OTOP3: variants seen among roughly 807,000 people sequenced by gnomAD.
The protein encoded by OTOP3 is otopetrin 3.
Under a neutral mutation model 50.8 loss-of-function variants are expected in OTOP3, and 41 were observed. That is an observed-to-expected ratio of 0.81 (90% CI 0.63 to 1.05). OTOP3 has a LOEUF of 1.05. Ranked by LOEUF, OTOP3 falls within the 50% of genes least tolerant of loss-of-function variation. The pLI, the probability that OTOP3 is intolerant of heterozygous loss-of-function variation, is 0.00. For synonymous variants in OTOP3, 320 were observed against 324.4 expected (o/e 0.99, Z 0.14); for missense variants, 788 against 760.8 (o/e 1.04, Z -0.42).
chr17:74,943,817 A>C, intron 5 of OTOP3, 93 bp downstream of exon 5: 1 of 1,095,742 alleles, frequency 9.1e-7, no homozygotes. Context: ...TCTCTAAAAC[A>C]GGTGAGGCTC....
At chr17:74,944,568 C>T (rs1485022251) in intron 5 of OTOP3, among the ~76,000 whole-genome samples, 1 of 152,130 alleles carries the variant, frequency 6.6e-6, no homozygotes. Context: ...ACCAGCCTAG[C>T]GAACATGGCG....
Position 74,946,836 on chromosome 17 carries a change from T to C in OTOP3, c.927T>C (p.Pro309=). The C allele has an allele frequency of 1.2e-6, 2 of 1,611,048 alleles. No homozygotes were observed. The change falls in exon 6 of 7, where the codon CCT becomes CCC. Residue 309 remains proline, a synonymous_variant. Coordinates refer to ENST00000328801, the MANE Select transcript of OTOP3 (RefSeq NM_001272005.2). ...TGGCACCCCACATGGGTGCCCACCC[T>C]GCCACCGCACCCTTCCACCTGCACG... The part of the protein sequence containing the change: ...RHVAPHMGAH[P]ATAPFHLHGA...
At chr17:74,938,957 G>A (rs560159097) in intron 1 of OTOP3, among the ~76,000 whole-genome samples, 11 of 151,590 alleles carry the variant, frequency 7.3e-5, no homozygotes, top group South Asian at 4.2e-4. Context: ...CACTCGAGGC[G>A]AGGAGTTCAA....
chr17:74,938,463 T>A (rs1306873344), intron 1 of OTOP3, among the ~76,000 whole-genome samples: 1 of 151,726 alleles, frequency 6.6e-6, no homozygotes, highest in Non-Finnish European at 1.5e-5. Context: ...CTCTGCCGAG[T>A]CCTGAAGGAC....
rs1214956917 is a variant in OTOP3, at chr17:74,946,836, TG to T, written c.928del (p.Ala310ProfsTer59). ...HVAPHMGAHP[A>X]TAPFHLHGAI... ...TGGCACCCCACATGGGTGCCCACCCTGCCACCGCACCCTTCCACCTGCACGG... is the reference window on the plus strand; with the variant it reads ...TGGCACCCCACATGGGTGCCCACCCTCCACCGCACCCTTCCACCTGCACGG... On this transcript the variant is annotated frameshift_variant, in exon 6 of 7. Coordinates refer to ENST00000328801, the MANE Select transcript of OTOP3 (RefSeq NM_001272005.2). LOFTEE classifies it high-confidence loss of function. The T allele has an allele frequency of 2.5e-6, 4 of 1,611,048 alleles. No homozygotes were observed. The highest frequency in any genetic ancestry group is 3.4e-6 in the Non-Finnish European group (4 of 1,180,020).
At chr17:74,944,302 C>T (rs2039205841) in intron 5 of OTOP3, among the ~76,000 whole-genome samples, 1 of 152,210 alleles carries the variant, frequency 6.6e-6, no homozygotes. Context: ...TCACGCCCTG[C>T]AGCCCAGCCC....
Position 74,947,284 on chromosome 17 carries a change from C to G in OTOP3, c.1375C>G (p.Leu459Val), listed in dbSNP as rs35131040. Residue 459 changes from leucine to valine, a missense_variant, in exon 6 of 7, where the codon CTC becomes GTC. Leu to Val is a conservative substitution (Grantham distance 32, BLOSUM62 1). Transcript: ENST00000328801. ...CATCGAGGGCCTGCACCGGCGCCCA[C>G]TCTGGGAGACAGTTCCCGAGGGCCT... ...FIIEGLHRRP[L>V]WETVPEGLAG... 2,688 of 1,613,550 alleles carry G rather than the reference C, an allele frequency of 1.7e-3. 32 individuals are homozygous for G. The African/African-American group carries it at 0.031, about 19-fold the overall frequency.
intron 3 of OTOP3, among the ~76,000 whole-genome samples, chr17:74,943,026 G>A (rs527442496): frequency 1.2e-4 from 18 of 152,248 alleles, no homozygotes; most frequent in Middle Eastern, 3.4e-3. Flanking sequence ...CTTCGTTCCC[G>A]CAGTCTTATT....
chr17:74,947,448 A>G lies in OTOP3; in HGVS notation c.1539A>G (p.Ser513=). 6.2e-7 allele frequency: 1 copy of G among 1,607,274 alleles called. No homozygotes were observed. The highest frequency in any genetic ancestry group is 8.5e-7 in the Non-Finnish European group (1 of 1,176,472). ...AGCGGAGGGCACTCAAGGAGATCTC[A>G]CTCTTCCTCATCCTCTGCAATATCA... ...NWKRRALKEI[S]LFLILCNITL... The change falls in exon 6 of 7, where the codon TCA becomes TCG. Residue 513 remains serine, a synonymous_variant. Transcript: ENST00000328801.
chr17:74,937,212 A>G (rs915532686), intron 1 of OTOP3, among the ~76,000 whole-genome samples: 1 of 151,850 alleles, frequency 6.6e-6, no homozygotes, highest in African/African-American at 2.4e-5. Context: ...GGATCCGCTC[A>G]CCTCAGCCTC....
chr17:74,943,450 G>A (rs2039196452), intron 4 of OTOP3, 106 bp downstream of exon 4: 6 of 1,410,776 alleles, frequency 4.3e-6, no homozygotes, highest in South Asian at 2.3e-5. Flanking sequence ...TGTGTCCTAG[G>A]TGGCCCCAGG....
intron 1 of OTOP3, among the ~76,000 whole-genome samples, chr17:74,939,869 A>T (rs2039153916): frequency 6.6e-6 from 1 of 152,016 alleles, no homozygotes; most frequent in Admixed American, 6.6e-5. Flanking sequence ...AACCCCAGAA[A>T]CTTTTCCCTA....
rs756723396 is a variant in OTOP3 at position 74,941,809 on chromosome 17, GGTGA to G, written c.436+4_436+7del. The G allele has an allele frequency of 3.1e-6, 5 of 1,607,374 alleles. No homozygotes were observed. In the South Asian group the frequency reaches 3.3e-5, roughly 11 times the overall value. On this transcript the variant is annotated splice_donor_variant and splice_donor_region_variant and intron_variant, in intron 2 of 6. Transcript: ENST00000328801. LOFTEE classifies it high-confidence loss of function. ...CCACGCGGGGCCCCTCTGGGTGCGG[GGTGA>G]GTGTCAGGTTGCTGGGGGGCTGGGC...
At chr17:74,938,516 G>C (rs866401132) in intron 1 of OTOP3, among the ~76,000 whole-genome samples, 5 of 152,140 alleles carry the variant, frequency 3.3e-5, no homozygotes, top group African/African-American at 1.2e-4. Flanking sequence ...GGCATTAAAG[G>C]CAAAGAATAG....
chr17:74,946,818 C>T lies in OTOP3; in HGVS notation c.909C>T (p.Pro303=). The change falls in exon 6 of 7, where the codon CCC becomes CCT. Residue 303 remains proline, a synonymous_variant. Transcript: ENST00000328801. ...MWKNVGRHVA[P]HMGAHPATAP... is the part of the protein sequence containing the mutation. ...AGAACGTGGGCCGCCACGTGGCACC[C>T]CACATGGGTGCCCACCCTGCCACCG... 1 of 1,611,472 alleles carries T rather than the reference C, an allele frequency of 6.2e-7. No homozygotes were observed. Among genetic ancestry groups the T allele is most frequent in the Non-Finnish European group, 8.5e-7 (1 of 1,180,018 alleles).
At chr17:74,943,464 G>A in intron 4 of OTOP3, 120 bp downstream of exon 4, 1 of 1,361,892 alleles carries the variant, frequency 7.3e-7, no homozygotes, top group Non-Finnish European at 1.0e-6. Flanking sequence ...CCCCAGGGCT[G>A]CCTCTTGTGT....
rs1462134008 is a variant in OTOP3 at position 74,942,028 on chromosome 17, C to T, written c.564C>T (p.Ile188=). 6 of 1,609,332 alleles carry T rather than the reference C, an allele frequency of 3.7e-6. No homozygotes were observed. The highest frequency in any genetic ancestry group is 2.7e-5 in the African/African-American group (2 of 74,844). The stretch of plus-strand genomic sequence containing the variant: ...TCTCTGTCATCGAGATGGTCTTCAT[C>T]GGCGTCCAGGTGACAGGCTTCTCAC... ...LVFSVIEMVF[I]GVQTWVLWKH... The change falls in exon 3 of 7, where the codon ATC becomes ATT. Residue 188 remains isoleucine, a synonymous_variant. Transcript: ENST00000328801.
At chr17:74,949,157 G>GGCTGCAGGTAGT in intron 6 of OTOP3, 89 bp from the exon 7 acceptor site, 1 of 1,390,090 alleles carries the variant, frequency 7.2e-7, no homozygotes, top group Admixed American at 1.8e-5. Context: ...GCACTGGAGG[G>GGCTGCAGGTAGT]GCTGCAGGTT....
Position 74,936,961 on chromosome 17 carries a change from C to CTTTTTTTT in OTOP3, c.19+1033_19+1040dup, listed in dbSNP as rs1191319023. ...ATTCGGCATTCATCACCCCCCCACC[C>CTTTTTTTT]TTTTTTTTTTTTTTTTTTTGAGACA... On this transcript the variant is annotated intron_variant, in intron 1 of 6. Coordinates refer to ENST00000328801, the MANE Select transcript of OTOP3 (RefSeq NM_001272005.2). Among the ~76,000 whole-genome samples the CTTTTTTTT allele has an allele frequency of 1.4e-4, 14 of 101,322 alleles. 3 individuals carry two copies. Among genetic ancestry groups the CTTTTTTTT allele is most frequent in the East Asian group, 2.9e-4 (1 of 3,446 alleles). The allele number at this position is 101,322 out of a possible 152,430, so 66.5% of individuals were successfully genotyped here.
Sources: allele counts gnomAD v4.1 joint callset (sites outside exome capture counted in the v4.1 genomes callset), GRCh38; gene constraint gnomAD v4.1.1; transcripts MANE v1.5; gene names NCBI Gene and HGNC (gene_info 2026-07-23, HGNC 2026-07-21).